Variants in CDKN2A observed in about 807,000 individuals in gnomAD.
CDKN2A encodes the protein cyclin dependent kinase inhibitor 2A.
Under a neutral mutation model 11.1 loss-of-function variants are expected in CDKN2A, and 3 were observed. The ratio of observed to expected loss-of-function variants is 0.27; its 90% CI spans 0.12 to 0.70. The LOEUF is 0.70. Ranked by LOEUF, CDKN2A falls within the 30% of genes least tolerant of loss-of-function variation. The pLI, the probability that CDKN2A is intolerant of heterozygous loss-of-function variation, is 0.77. For missense variants in CDKN2A, 265 were observed against 233.6 expected (o/e 1.13, Z -0.88); for synonymous variants, 122 against 108.1 (o/e 1.13, Z -0.80).
intron 1 of CDKN2A, among the ~76,000 whole-genome samples, chr9:21,972,127 T>C (rs1819794027): frequency 6.6e-6 from 1 of 152,142 alleles, no homozygotes; most frequent in South Asian, 2.1e-4. Context: ...GTGTTTGGCT[T>C]ATTTCATTTA....
intron 1 of CDKN2A, chr9:21,994,094 A>C: frequency 6.3e-7 from 1 of 1,581,108 alleles, no homozygotes; most frequent in South Asian, 1.1e-5. Context: ...CACCAAACAA[A>C]ACAAGTGCCG....
chr9:21,980,659 A>G (rs1820150256), intron 2 of CDKN2A, among the ~76,000 whole-genome samples: 1 of 152,018 alleles, frequency 6.6e-6, no homozygotes. Context: ...GGTAACAACC[A>G]TCAATATATT....
At chr9:21,986,511 C>A (rs1820300266) in intron 2 of CDKN2A, among the ~76,000 whole-genome samples, 2 of 151,956 alleles carry the variant, frequency 1.3e-5, no homozygotes, top group South Asian at 2.1e-4. Context: ...TATAGCACTC[C>A]ATGGGCAACC....
intron 2 of CDKN2A, among the ~76,000 whole-genome samples, chr9:21,987,166 C>A (rs908973792): frequency 1.3e-5 from 2 of 150,970 alleles, no homozygotes; most frequent in Non-Finnish European, 3.0e-5. Context: ...ATCTATATTT[C>A]CCCCCCCATC....
rs2131110734 is a variant in CDKN2A at position 21,974,593 on chromosome 9, C to A, written c.150+85G>T. The A allele has an allele frequency of 3.7e-6, 6 of 1,614,028 alleles. No homozygotes were observed. The highest frequency in any genetic ancestry group is 5.1e-6 in the Non-Finnish European group (6 of 1,180,012). On this transcript the variant is annotated intron_variant, in intron 1 of 2. Coordinates refer to ENST00000304494, the MANE Select transcript of CDKN2A (RefSeq NM_000077.5). This position sits in a 1 kb window ranked among gnomAD's most constrained non-coding sequence, Gnocchi z 5.2. ...CTCCCCTTTTTCCGGAGAATCGAAG[C>A]GCTACCTGATTCCAATTCCCCTGCA...
At chr9:21,987,115 T>A (rs1359519917) in intron 2 of CDKN2A, among the ~76,000 whole-genome samples, 1 of 152,074 alleles carries the variant, frequency 6.6e-6, no homozygotes, top group East Asian at 1.9e-4. Context: ...CATGATATTT[T>A]AGTTTTTCTT....
At chr9:21,983,649 G>A (rs1248472748) in intron 2 of CDKN2A, among the ~76,000 whole-genome samples, 1 of 152,064 alleles carries the variant, frequency 6.6e-6, no homozygotes, top group Non-Finnish European at 1.5e-5. Flanking sequence ...AAATGGAGGA[G>A]TGGTACATAT....
At chr9:21,980,745 G>A (rs3731227) in intron 2 of CDKN2A, among the ~76,000 whole-genome samples, 5,462 of 151,176 alleles carry the variant, frequency 0.036, 159 homozygotes, top group Middle Eastern at 0.051. Context: ...GGATCACGAG[G>A]TCAGGAGATC....
rs756102261 is a variant in CDKN2A, at chr9:21,973,574, G to A, written c.150+1104C>T. Among the ~76,000 whole-genome samples the A allele has an allele frequency of 6.6e-6, 1 of 151,948 alleles. No individual in the cohort carries two copies. Among genetic ancestry groups the A allele is most frequent in the Non-Finnish European group, 1.5e-5 (1 of 67,970 alleles). On this transcript the variant is annotated intron_variant, in intron 1 of 2. Coordinates refer to ENST00000304494, the MANE Select transcript of CDKN2A (RefSeq NM_000077.5). ...ATTTTAGAGATGCTAAGTTACCCATGTATTAATTACTTTTAAATCCTCCCC... is the reference window on the plus strand; with the variant it reads ...ATTTTAGAGATGCTAAGTTACCCATATATTAATTACTTTTAAATCCTCCCC...
intron 2 of CDKN2A, among the ~76,000 whole-genome samples, chr9:21,969,274 GC>G (rs1306825003): frequency 6.6e-6 from 1 of 152,134 alleles, no homozygotes; most frequent in Non-Finnish European, 1.5e-5. Flanking sequence ...TGTGGTCCCA[GC>G]TAGTCGGGAG....
chr9:21,972,707 T>C (rs535923442), intron 1 of CDKN2A, among the ~76,000 whole-genome samples: 33 of 152,348 alleles, frequency 2.2e-4, no homozygotes, highest in Non-Finnish European at 3.8e-4. Flanking sequence ...AAACAAGAGA[T>C]GGTCACCTCT....
Position 21,987,053 on chromosome 9 carries a change from G to A in CDKN2A, c.-4+6829C>T, listed in dbSNP as rs1820315492. Among the ~76,000 whole-genome samples, 3 of 152,022 alleles carry A rather than the reference G, an allele frequency of 2.0e-5. No homozygotes were observed. The South Asian group carries it at 6.2e-4, about 32-fold the overall frequency. ...CTAATACATCAGCAAAGTCACTGGT[G>A]TAATATTAGACAAATTTTAGCTTAA... On this transcript the variant is annotated intron_variant, in intron 2 of 3. Transcript: ENST00000494262.
At chr9:21,984,364 T>A (rs750518094) in intron 2 of CDKN2A, among the ~76,000 whole-genome samples, 1 of 152,010 alleles carries the variant, frequency 6.6e-6, no homozygotes, top group African/African-American at 2.4e-5. Context: ...CTGCATTCAT[T>A]GCTACCCACC....
chr9:21,989,697 G>C (rs899663526), intron 2 of CDKN2A: 2 of 152,250 alleles, frequency 1.3e-5, no homozygotes, highest in African/African-American at 4.8e-5. Context: ...AGGTGACCCA[G>C]AGTTGCCTTC....
chr9:21,994,417 A>T (rs1359374454), intron 1 of CDKN2A: 3 of 1,602,714 alleles, frequency 1.9e-6, no homozygotes, highest in Admixed American at 3.4e-5. Context: ...CTGCCCCCTT[A>T]ACTGCAGACT....
At chr9:21,994,681 T>G (rs1286131663) in intron 1 of CDKN2A, 23 of 196,984 alleles carry the variant, frequency 1.2e-4, no homozygotes, top group East Asian at 2.3e-4. Flanking sequence ...TTTCCCGCCC[T>G]GTGTGCGCCC....
In CDKN2A at chr9:21,974,857, C is replaced by A; in HGVS notation, c.-30G>T. On this transcript the variant is annotated 5_prime_UTR_variant, in exon 1 of 3. Transcript: ENST00000304494. This position sits in a 1 kb window ranked among gnomAD's most constrained non-coding sequence, Gnocchi z 5.2. ...CTCCCCGCCGCCCGCTGCCTGCTCT[C>A]CCCCTCTCCGCAGCCGCCGAGCGCA... 6.6e-7 allele frequency: 1 copy of A among 1,523,162 alleles called. No individual in the cohort carries two copies. The highest frequency in any genetic ancestry group is 8.7e-7 in the Non-Finnish European group (1 of 1,142,978). The allele number at this position is 1,523,162 out of a possible 1,614,324, so 94.4% of individuals were successfully genotyped here.
chr9:21,970,669 G>C, intron 2 of CDKN2A: 1 of 626,616 alleles, frequency 1.6e-6, no homozygotes, highest in Non-Finnish European at 2.8e-6. Context: ...GCTTTGGGAA[G>C]TATAATGTAC....
intron 2 of CDKN2A, among the ~76,000 whole-genome samples, chr9:21,990,611 T>TGAGAGAGCGAGAGAGAGAGAGA (rs1820405615): frequency 1.1e-5 from 1 of 89,676 alleles, no homozygotes. Flanking sequence ...ACTAATTTGG[T>TGAGAGAGCGAGAGAGAGAGAGA]GAGAGAGAGA....
Sources: gnomAD v4.1 joint callset for allele counts (sites outside exome capture counted in the v4.1 genomes callset) on GRCh38, gnomAD v4.1.1 for gene constraint, Gnocchi (gnomAD v3.1) non-coding constraint, MANE v1.5 for transcripts, NCBI Gene and HGNC (gene_info 2026-07-23, HGNC 2026-07-21) for gene names.